Variants in FNBP1L observed in about 807,000 individuals in gnomAD.
FNBP1L encodes formin binding protein 1 like.
A neutral mutation model predicts 91.2 loss-of-function variants in FNBP1L; 36 were observed. That is an observed-to-expected ratio of 0.39 (90% CI 0.30 to 0.52). The LOEUF (loss-of-function observed/expected upper bound fraction) is 0.52, where lower values mean the gene tolerates loss of function less well. Ranked by LOEUF, FNBP1L falls within the 20% of genes least tolerant of loss-of-function variation. The pLI is 0.66. For missense variants in FNBP1L, 571 were observed against 732.1 expected, an observed-to-expected ratio of 0.78 and a Z score of 2.54; for synonymous variants, 242 against 237.0, an observed-to-expected ratio of 1.02 and a Z score of -0.19.
chr1:93,493,522 A>G (rs1022205295), intron 1 of FNBP1L, among the ~76,000 whole-genome samples: 1 of 152,100 alleles, frequency 6.6e-6, no homozygotes, highest in Admixed American at 6.5e-5. Flanking sequence ...ATAACTCCCC[A>G]TTCCTTCCTA....
At chr1:93,464,123 A>C (rs909180368) in intron 1 of FNBP1L, among the ~76,000 whole-genome samples, 3 of 152,176 alleles carry the variant, frequency 2.0e-5, no homozygotes, top group African/African-American at 4.8e-5. Context: ...ACCCTTGTGC[A>C]CTTTTGGTAG....
At chr1:93,498,384 G>A (rs1454855909) in intron 1 of FNBP1L, among the ~76,000 whole-genome samples, 1 of 152,146 alleles carries the variant, frequency 6.6e-6, no homozygotes, top group Admixed American at 6.6e-5. Context: ...ACTGAGCAGT[G>A]CATTTTCTTG....
At position 93,514,355 on chromosome 1, in the gene FNBP1L, C is replaced by T. The variant is rs866666858; in HGVS notation, c.141-7727C>T. Among the ~76,000 whole-genome samples the T allele has an allele frequency of 4.6e-3, 689 of 151,312 alleles. 1 individual carries two copies. Among genetic ancestry groups the T allele is most frequent in the Non-Finnish European group, 7.5e-3 (509 of 67,706 alleles). Reference sequence around the variant, plus strand: ...TGGCCATACTGCCCAAGGTAATTTACAGATTCAATGCCATCCCCATCAAGC... The same window carrying T: ...TGGCCATACTGCCCAAGGTAATTTATAGATTCAATGCCATCCCCATCAAGC... On this transcript the variant is annotated intron_variant, in intron 2 of 16. Coordinates refer to ENST00000271234, the MANE Select transcript of FNBP1L (RefSeq NM_001164473.3).
intron 1 of FNBP1L, among the ~76,000 whole-genome samples, chr1:93,492,025 T>C (rs1004058872): frequency 3.9e-5 from 6 of 152,240 alleles, no homozygotes; most frequent in Non-Finnish European, 7.3e-5. Context: ...ACATTTGTTA[T>C]GGTGACCAAC....
chr1:93,492,386 G>A (rs12410123), intron 1 of FNBP1L, among the ~76,000 whole-genome samples: 18,579 of 152,024 alleles, frequency 0.12, 1,258 homozygotes, highest in African/African-American at 0.18. Context: ...AAATGCATGG[G>A]TCTTCAAAGA....
At chr1:93,529,047 G>T (rs535102441) in intron 5 of FNBP1L, among the ~76,000 whole-genome samples, 2 of 152,008 alleles carry the variant, frequency 1.3e-5, no homozygotes, top group Admixed American at 1.3e-4. Flanking sequence ...GGGACACCTG[G>T]AAGAAACAAT....
Position 93,532,998 on chromosome 1 carries a change from A to AAGTG in FNBP1L, c.719_720insGAGT (p.Ile241SerfsTer20). The AAGTG allele has an allele frequency of 6.2e-7, 1 of 1,613,548 alleles. No individual in the cohort carries two copies. The highest frequency in any genetic ancestry group is 8.5e-7 in the Non-Finnish European group (1 of 1,179,654). On this transcript the variant is annotated frameshift_variant, in exon 8 of 17. Coordinates refer to ENST00000271234, the MANE Select transcript of FNBP1L (RefSeq NM_001164473.3). LOFTEE classifies it high-confidence loss of function. The stretch of plus-strand genomic sequence containing the variant: ...AGAGGATTTGCTGACTCAGAACGCA[A>AAGTG]AGTTATTCCCATCATTTCAAAATGT...
intron 3 of FNBP1L, among the ~76,000 whole-genome samples, chr1:93,522,643 TAAAC>T (rs943637321): frequency 3.9e-5 from 6 of 152,308 alleles, no homozygotes; most frequent in South Asian, 4.1e-4. Context: ...AGACTCGACT[TAAAC>T]AAACAACTCT....
In FNBP1L at chr1:93,524,290, A is replaced by G. The variant is rs537726709; in HGVS notation, c.372A>G (p.Gln124=). 19 of 1,512,254 alleles carry G rather than the reference A, an allele frequency of 1.3e-5. No homozygotes were observed. Among genetic ancestry groups the G allele is most frequent in the South Asian group, 8.0e-5 (6 of 74,820 alleles). The allele number at this position is 1,512,254 out of a possible 1,614,324, so 93.7% of individuals were successfully genotyped here. The change falls in exon 5 of 17, where the codon CAA becomes CAG. Residue 124 remains glutamine (Q), a synonymous_variant. Transcript: ENST00000271234. ...MHLQEGRKAQ[Q]YLDMCWKQMD... is the part of the protein sequence containing the mutation. The stretch of plus-strand genomic sequence containing the variant: ...TGCAAGAAGGACGAAAAGCTCAACA[A>G]TATCTTGACATGTGCTGGAAACAGA...
chr1:93,549,444 ATAT>A lies in FNBP1L; in HGVS notation c.1651+20_1651+22del, dbSNP rs2101776894. On this transcript the variant is annotated intron_variant, in intron 15 of 16. Coordinates refer to ENST00000271234, the MANE Select transcript of FNBP1L (RefSeq NM_001164473.3). Reference sequence around the variant, plus strand: ...TTTTGATGGTATGATTTTCTTAATAATATTGTATGTAAAAAAATTGGTTCTTTA... The same window carrying A: ...TTTTGATGGTATGATTTTCTTAATAATGTATGTAAAAAAATTGGTTCTTTA... 2 of 1,529,798 alleles carry A rather than the reference ATAT, an allele frequency of 1.3e-6. No homozygotes were observed. Among genetic ancestry groups the A allele is most frequent in the Non-Finnish European group, 1.7e-6 (2 of 1,143,098 alleles). 94.8% of individuals were successfully genotyped at this position (1,529,798 alleles called of 1,614,324 possible).
In FNBP1L at chr1:93,451,770, G is replaced by A. The variant is rs768544389; in HGVS notation, c.24+3465G>A. On this transcript the variant is annotated intron_variant, in intron 1 of 16. Transcript: ENST00000271234. ...TGGTTCAAGCCATTCTCCCACCTCA[G>A]CCCCCCGAGTAGCTGGGATTTCAGG... 2.4e-4 allele frequency among the ~76,000 whole-genome samples: 37 copies of A among 152,088 alleles called. 1 individual carries two copies. The highest frequency in any genetic ancestry group is 3.9e-4 in the Admixed American group (6 of 15,272).
At chr1:93,544,928 T>C (rs1185632337) in intron 12 of FNBP1L, among the ~76,000 whole-genome samples, 1 of 152,144 alleles carries the variant, frequency 6.6e-6, no homozygotes, top group African/African-American at 2.4e-5. Context: ...CACTAAATTA[T>C]GGAATACTGA....
At chr1:93,547,704 C>T (rs1265775972) in intron 14 of FNBP1L, among the ~76,000 whole-genome samples, 4 of 152,040 alleles carry the variant, frequency 2.6e-5, no homozygotes, top group African/African-American at 9.7e-5. Flanking sequence ...AGTCTGAGGG[C>T]CTAGGCTCCT....
At chr1:93,461,640 C>T (rs1223532853) in intron 1 of FNBP1L, among the ~76,000 whole-genome samples, 2 of 152,132 alleles carry the variant, frequency 1.3e-5, no homozygotes, top group African/African-American at 4.8e-5. Context: ...AAAACATCTC[C>T]CTTATTCTCA....
At chr1:93,453,701 G>A (rs964154702) in intron 1 of FNBP1L, among the ~76,000 whole-genome samples, 2 of 152,162 alleles carry the variant, frequency 1.3e-5, no homozygotes, top group Non-Finnish European at 2.9e-5. Context: ...AAACTGGTAG[G>A]AAAGGTTATG....
chr1:93,458,650 A>G (rs1479762118), intron 1 of FNBP1L, among the ~76,000 whole-genome samples: 2 of 152,088 alleles, frequency 1.3e-5, no homozygotes, highest in African/African-American at 4.8e-5. Context: ...AAGCTTCTAC[A>G]CAACAAAGGA....
At chr1:93,525,146 TTTAC>T (rs1395454418) in intron 5 of FNBP1L, among the ~76,000 whole-genome samples, 1 of 152,000 alleles carries the variant, frequency 6.6e-6, no homozygotes, top group Admixed American at 6.6e-5. Context: ...TATCGAACAG[TTTAC>T]TCTTTACTAG....
chr1:93,457,162 A>C (rs1482502819), intron 1 of FNBP1L, among the ~76,000 whole-genome samples: 1 of 152,164 alleles, frequency 6.6e-6, no homozygotes, highest in Non-Finnish European at 1.5e-5. Flanking sequence ...GGGGATTACA[A>C]GTGTGAGCCA....
intron 1 of FNBP1L, among the ~76,000 whole-genome samples, chr1:93,461,510 G>C (rs2101688469): frequency 6.6e-6 from 1 of 152,144 alleles, no homozygotes; most frequent in African/African-American, 2.4e-5. Flanking sequence ...GTTATAAGGT[G>C]ATAGTTGCAG....
Sources: allele counts gnomAD v4.1 joint callset (sites outside exome capture counted in the v4.1 genomes callset), GRCh38; gene constraint gnomAD v4.1.1; transcripts MANE v1.5; gene names NCBI Gene and HGNC (gene_info 2026-07-23, HGNC 2026-07-21).